FBXO34: variants seen among roughly 807,000 people sequenced by gnomAD.
FBXO34 encodes the protein F-box only protein 34.
FBXO34 carries 12 observed loss-of-function variants against 24.5 expected under a neutral mutation model. That is an observed-to-expected ratio of 0.49 (90% confidence interval 0.31 to 0.79). The LOEUF is 0.79. FBXO34 is among the 30% of genes least tolerant of loss of function. The probability of loss-of-function intolerance (pLI) is 0.04; values close to 1 mark genes in which losing one functional copy is unlikely to be tolerated. For synonymous variants in FBXO34, 320 were observed against 311.9 expected (o/e 1.03, Z -0.27); for missense variants, 823 against 857.7 (o/e 0.96, Z 0.51).
At chr14:55,274,241 T>G (rs1192804967) in intron 1 of FBXO34, among the ~76,000 whole-genome samples, 1 of 152,230 alleles carries the variant, frequency 6.6e-6, no homozygotes. Context: ...GAAGTTTTTA[T>G]TTTTCCTCAT....
At chr14:55,362,299 C>T (rs1391221901), downstream of FBXO34, among the ~76,000 whole-genome samples, 3 of 152,102 alleles carry the variant, frequency 2.0e-5, no homozygotes, top group Admixed American at 2.0e-4. Context: ...GTTCGTGGGC[C>T]TCCAAAACAA....
chr14:55,350,318 A>T lies in FBXO34; in HGVS notation c.-10-63A>T, dbSNP rs879235736. Reference sequence around the variant, plus strand: ...CTAAGAACCATCTGAGCTTAAATTTAAAAACATTTTTTTCTAAAAACAAAA... The same window carrying T: ...CTAAGAACCATCTGAGCTTAAATTTTAAAACATTTTTTTCTAAAAACAAAA... On this transcript the variant is annotated intron_variant, in intron 1 of 1. Coordinates refer to ENST00000313833, the MANE Select transcript of FBXO34 (RefSeq NM_017943.4). The T allele has an allele frequency of 3.1e-6, 4 of 1,280,400 alleles. No individual in the cohort carries two copies. The South Asian group carries it at 5.2e-5, about 17-fold the overall frequency. 79.3% of individuals were successfully genotyped at this position (1,280,400 alleles called of 1,614,324 possible).
intron 1 of FBXO34, among the ~76,000 whole-genome samples, chr14:55,321,840 A>G (rs1216303971): frequency 1.3e-5 from 2 of 152,240 alleles, no homozygotes; most frequent in African/African-American, 2.4e-5. Flanking sequence ...GGATCTGTCA[A>G]AAATACTCAT....
At chr14:55,314,959 C>G (rs1407190217) in intron 1 of FBXO34, among the ~76,000 whole-genome samples, 1 of 152,080 alleles carries the variant, frequency 6.6e-6, no homozygotes, top group Non-Finnish European at 1.5e-5. Flanking sequence ...TTCTTGTATT[C>G]TGATTTCTTG....
chr14:55,318,053 A>G (rs990388006), intron 1 of FBXO34: 2 of 151,964 alleles, frequency 1.3e-5, no homozygotes, highest in Admixed American at 1.3e-4. Context: ...TGCTTACCTT[A>G]GGGTTTGGCT....
intron 1 of FBXO34, among the ~76,000 whole-genome samples, chr14:55,306,693 C>T (rs143252303): frequency 1.6e-3 from 243 of 152,172 alleles, no homozygotes; most frequent in African/African-American, 5.3e-3. Context: ...ACTAGCCAGA[C>T]GTGGTGGCAC....
chr14:55,308,493 C>T (rs963647678), intron 1 of FBXO34, among the ~76,000 whole-genome samples: 8 of 152,158 alleles, frequency 5.3e-5, no homozygotes, highest in South Asian at 2.1e-4. Context: ...CTTCCATAGT[C>T]GGGTTAATTA....
chr14:55,402,955 ATATATATAT>A, the FBXO34 span, among the ~76,000 whole-genome samples: 2 of 77,922 alleles, frequency 2.6e-5, no homozygotes, highest in South Asian at 5.0e-4. Context: ...ATATATATAT[ATATATATAT>A]ATATAAATAG....
chr14:55,373,935 G>GAA (rs1386001583), downstream of FBXO34, among the ~76,000 whole-genome samples: 1 of 152,168 alleles, frequency 6.6e-6, no homozygotes, highest in Non-Finnish European at 1.5e-5. Flanking sequence ...AAGCAGGTGT[G>GAA]AAAAGGGGAC....
intron 1 of FBXO34, among the ~76,000 whole-genome samples, chr14:55,321,999 C>T (rs190044023): frequency 8.5e-5 from 13 of 152,278 alleles, no homozygotes; most frequent in South Asian, 4.1e-4. Context: ...AACTTGCCTC[C>T]GCAAATATCC....
intron 1 of FBXO34, chr14:55,298,840 A>C: frequency 4.3e-6 from 7 of 1,612,794 alleles, no homozygotes; most frequent in Non-Finnish European, 5.1e-6. Context: ...TATGAGAAGC[A>C]GCTGGCGCAG....
chr14:55,393,156 C>A, the FBXO34 span, among the ~76,000 whole-genome samples: 5 of 151,978 alleles, frequency 3.3e-5, no homozygotes, highest in Admixed American at 2.6e-4. Flanking sequence ...CCAAGGTGGG[C>A]GGATCACGAG....
chr14:55,381,574 G>A, the FBXO34 span, among the ~76,000 whole-genome samples: 15,265 of 152,228 alleles, frequency 0.1, 2,119 homozygotes, highest in African/African-American at 0.31. Flanking sequence ...CCATAAAAAC[G>A]AATGAAACAC....
At chr14:55,284,425 A>C (rs1881682034) in intron 1 of FBXO34, among the ~76,000 whole-genome samples, 1 of 149,702 alleles carries the variant, frequency 6.7e-6, no homozygotes, top group South Asian at 2.1e-4. Flanking sequence ...AGGCAGGAGA[A>C]TCTCTTGAAC....
At chr14:55,289,642 C>A in intron 1 of FBXO34, among the ~76,000 whole-genome samples, 1 of 152,088 alleles carries the variant, frequency 6.6e-6, no homozygotes, top group Non-Finnish European at 1.5e-5. Flanking sequence ...CTCAAGAAAT[C>A]CTCCCACCTC....
chr14:55,379,794 A>G, the FBXO34 span, among the ~76,000 whole-genome samples: 2 of 152,162 alleles, frequency 1.3e-5, no homozygotes, highest in African/African-American at 4.8e-5. Context: ...TGATCTCAGC[A>G]TCACTGCAAC....
At chr14:55,377,930 A>G in the FBXO34 span, 1 of 1,595,350 alleles carries the variant, frequency 6.3e-7, no homozygotes, top group Non-Finnish European at 8.5e-7. Context: ...GAATTGGTTA[A>G]TATTTTCAAC....
the FBXO34 span, among the ~76,000 whole-genome samples, chr14:55,402,342 C>CA: frequency 4.0e-5 from 6 of 151,652 alleles, no homozygotes; most frequent in Non-Finnish European, 8.8e-5. Flanking sequence ...TTAAGAAAGG[C>CA]AAAAAATAGA....
chr14:55,436,441 A>G, the FBXO34 span: 1 of 948,716 alleles, frequency 1.1e-6, no homozygotes, highest in East Asian at 2.6e-5. Flanking sequence ...CTGATAAAAC[A>G]AAGAATTATG....
Sources: allele counts gnomAD v4.1 joint callset (sites outside exome capture counted in the v4.1 genomes callset), GRCh38; gene constraint gnomAD v4.1.1; transcripts MANE v1.5; gene names NCBI Gene and HGNC (gene_info 2026-07-23, HGNC 2026-07-21).